Variants in CHST8 observed in about 807,000 individuals in gnomAD.
CHST8 encodes GALNAC-4-ST1.
Under a neutral mutation model 15.0 loss-of-function variants are expected in CHST8, and 10 were observed. The observed-to-expected ratio is 0.67, with a 90% CI of 0.41 to 1.13. The LOEUF is 1.13. CHST8 is among the 50% of genes most tolerant of loss of function. The pLI is 0.00. For missense variants in CHST8, 634 were observed against 608.2 expected, an observed-to-expected ratio of 1.04 and a Z score of -0.45; for synonymous variants, 259 against 256.6, an observed-to-expected ratio of 1.01 and a Z score of -0.09.
At chr19:33,755,760 G>A (rs903806948) in intron 3 of CHST8, among the ~76,000 whole-genome samples, 9 of 152,180 alleles carry the variant, frequency 5.9e-5, no homozygotes, top group African/African-American at 2.2e-4. Context: ...GAGCAGCTGC[G>A]CTGGTTGGAC....
chr19:33,741,910 C>G (rs1974200944), intron 3 of CHST8, among the ~76,000 whole-genome samples: 1 of 152,042 alleles, frequency 6.6e-6, no homozygotes, highest in South Asian at 2.1e-4. Flanking sequence ...CATCTGGGAA[C>G]TGGGGAGAAA....
chr19:33,637,104 C>T (rs117455841), intron 1 of CHST8, among the ~76,000 whole-genome samples: 4,247 of 152,230 alleles, frequency 0.028, 84 homozygotes, highest in East Asian at 0.048. Flanking sequence ...ATGGTGCTTG[C>T]GGGATTGTAG....
intron 3 of CHST8, among the ~76,000 whole-genome samples, chr19:33,706,081 A>G (rs956293757): frequency 1.3e-5 from 2 of 152,208 alleles, no homozygotes; most frequent in African/African-American, 4.8e-5. Context: ...GCCAGGAAGT[A>G]TCAGTGCTTG....
intron 3 of CHST8, among the ~76,000 whole-genome samples, chr19:33,715,155 T>G (rs1204513179): frequency 6.6e-6 from 1 of 152,216 alleles, no homozygotes; most frequent in Admixed American, 6.5e-5. Flanking sequence ...CCAAGTCACT[T>G]TCTCACCCTG....
At chr19:33,707,909 A>G (rs1973477293) in intron 3 of CHST8, among the ~76,000 whole-genome samples, 1 of 152,212 alleles carries the variant, frequency 6.6e-6, no homozygotes, top group African/African-American at 2.4e-5. Flanking sequence ...CCACATTCTC[A>G]TCAAGACTTG....
chr19:33,745,407 C>T (rs929495807), intron 3 of CHST8, among the ~76,000 whole-genome samples: 15 of 152,392 alleles, frequency 9.8e-5, no homozygotes, highest in African/African-American at 3.4e-4. Flanking sequence ...GCATTACTGC[C>T]TCTGGCCTTG....
At chr19:33,735,149 G>A (rs970199905) in intron 3 of CHST8, among the ~76,000 whole-genome samples, 2 of 152,202 alleles carry the variant, frequency 1.3e-5, no homozygotes, top group African/African-American at 4.8e-5. Flanking sequence ...AGCCTGGCTG[G>A]GGAGAGATGG....
At chr19:33,675,887 G>T (rs991110836) in intron 2 of CHST8, among the ~76,000 whole-genome samples, 2 of 152,198 alleles carry the variant, frequency 1.3e-5, no homozygotes, top group Admixed American at 6.5e-5. Flanking sequence ...CTCATCCAGG[G>T]GTCACGTGCC....
At chr19:33,743,361 G>A (rs973196715) in intron 3 of CHST8, among the ~76,000 whole-genome samples, 6 of 146,548 alleles carry the variant, frequency 4.1e-5, no homozygotes, top group South Asian at 2.2e-4. Flanking sequence ...GTGCAGTGGC[G>A]CGATCTCGGC....
At chr19:33,702,281 C>G (rs1230079089) in intron 3 of CHST8, among the ~76,000 whole-genome samples, 3 of 152,066 alleles carry the variant, frequency 2.0e-5, no homozygotes, top group African/African-American at 7.2e-5. Context: ...CCACCACACC[C>G]GGCCTATGTT....
intron 3 of CHST8, among the ~76,000 whole-genome samples, chr19:33,755,816 C>T (rs1460266710): frequency 6.6e-6 from 1 of 152,190 alleles, no homozygotes; most frequent in African/African-American, 2.4e-5. Context: ...TTTAGCTCTC[C>T]TTTCACGGTG....
At chr19:33,692,150 A>AT (rs11455059) in intron 3 of CHST8, among the ~76,000 whole-genome samples, 30,258 of 151,106 alleles carry the variant, frequency 0.2, 3,112 homozygotes, top group Admixed American at 0.26. Context: ...CATTTTAAAC[A>AT]TTTTTTTTTT....
chr19:33,765,629 T>TAA (rs1974824518), intron 3 of CHST8, among the ~76,000 whole-genome samples: 2 of 151,578 alleles, frequency 1.3e-5, no homozygotes, highest in Non-Finnish European at 2.9e-5. Flanking sequence ...TGGCGCGATC[T>TAA]CCGCTCACTG....
intron 3 of CHST8, among the ~76,000 whole-genome samples, chr19:33,698,546 A>G (rs907999951): frequency 4.6e-5 from 7 of 152,072 alleles, no homozygotes; most frequent in African/African-American, 1.4e-4. Flanking sequence ...AGACCTTTCA[A>G]ATGAGAGGAC....
At chr19:33,679,009 A>C (rs1972848969) in intron 2 of CHST8, among the ~76,000 whole-genome samples, 1 of 152,190 alleles carries the variant, frequency 6.6e-6, no homozygotes, top group Non-Finnish European at 1.5e-5. Flanking sequence ...ACACAAAGAC[A>C]AGTCCTCTGG....
chr19:33,678,718 A>G (rs1972843247), intron 2 of CHST8, among the ~76,000 whole-genome samples: 1 of 152,128 alleles, frequency 6.6e-6, no homozygotes, highest in Non-Finnish European at 1.5e-5. Context: ...CAGCCTGGGT[A>G]ATAGAGTGAC....
intron 1 of CHST8, among the ~76,000 whole-genome samples, chr19:33,634,561 G>T (rs577484073): frequency 9.3e-5 from 14 of 151,334 alleles, no homozygotes; most frequent in Non-Finnish European, 1.6e-4. Context: ...CCAGAATCAC[G>T]TGGGTTGCTG....
intron 1 of CHST8, among the ~76,000 whole-genome samples, chr19:33,636,655 C>T (rs1972207703): frequency 6.6e-6 from 1 of 152,202 alleles, no homozygotes; most frequent in Non-Finnish European, 1.5e-5. Flanking sequence ...AATCCCAGCA[C>T]TTTCAGAGGC....
At chr19:33,771,279 T>C in intron 3 of CHST8, 134 bp from the exon 4 acceptor site, 1 of 850,516 alleles carries the variant, frequency 1.2e-6, no homozygotes, top group South Asian at 1.4e-5. Context: ...AGCCATGCCC[T>C]AAGCTGCCTT....
Sources: allele counts gnomAD v4.1 joint callset (sites outside exome capture counted in the v4.1 genomes callset), GRCh38; gene constraint gnomAD v4.1.1; transcripts MANE v1.5; gene names NCBI Gene and HGNC (gene_info 2026-07-23, HGNC 2026-07-21).